The following KCNN2 variants were observed in gnomAD, a reference collection of about 807,000 sequenced individuals.
The protein encoded by KCNN2 is potassium calcium-activated channel subfamily N member 2.
A neutral mutation model predicts 55.5 loss-of-function variants in KCNN2; 24 were observed. The ratio of observed to expected loss-of-function variants is 0.43; its 90% CI spans 0.31 to 0.61. KCNN2 has a LOEUF of 0.61. Ranked by LOEUF, KCNN2 falls within the 20% of genes least tolerant of loss-of-function variation. The probability of loss-of-function intolerance (pLI) is 0.08; values close to 1 mark genes in which losing one functional copy is unlikely to be tolerated. For missense variants in KCNN2, 754 were observed against 853.6 expected (o/e 0.88, Z 1.45); for synonymous variants, 431 against 336.1 (o/e 1.28, Z -3.09).
At chr5:114,481,316 G>A (rs988162174) in intron 5 of KCNN2, among the ~76,000 whole-genome samples, 21 of 152,082 alleles carry the variant, frequency 1.4e-4, no homozygotes, top group Non-Finnish European at 3.1e-4. Context: ...TCTTCAAGGA[G>A]AACTACAAAC....
intron 6 of KCNN2, among the ~76,000 whole-genome samples, chr5:114,487,834 G>A (rs559767033): frequency 1.3e-5 from 2 of 152,212 alleles, no homozygotes; most frequent in Admixed American, 6.5e-5. Flanking sequence ...ATTCATGTGG[G>A]TATCGATTGT....
chr5:114,143,263 T>G (rs1400068047), intron 1 of KCNN2, among the ~76,000 whole-genome samples: 1 of 152,144 alleles, frequency 6.6e-6, no homozygotes, highest in East Asian at 1.9e-4. Flanking sequence ...TATACAGAGA[T>G]AAAAATTTAC....
At chr5:114,079,112 A>T (rs775643303) in intron 1 of KCNN2, among the ~76,000 whole-genome samples, 1 of 152,162 alleles carries the variant, frequency 6.6e-6, no homozygotes, top group Non-Finnish European at 1.5e-5. Flanking sequence ...GTAAAAACCT[A>T]TACAGAGGCA....
chr5:114,153,852 G>T (rs1369415479), intron 1 of KCNN2, among the ~76,000 whole-genome samples: 8 of 152,120 alleles, frequency 5.3e-5, no homozygotes, highest in Non-Finnish European at 1.2e-4. Flanking sequence ...AGGAGACTGT[G>T]GTCAAATGTA....
chr5:114,083,499 G>C (rs546366521), intron 1 of KCNN2, among the ~76,000 whole-genome samples: 7 of 151,560 alleles, frequency 4.6e-5, no homozygotes, highest in Non-Finnish European at 1.0e-4. Context: ...TCATTTCCTT[G>C]TTAACCTGAT....
intron 1 of KCNN2, among the ~76,000 whole-genome samples, chr5:114,103,855 A>G (rs1307307076): frequency 6.6e-6 from 1 of 152,120 alleles, no homozygotes; most frequent in Admixed American, 6.6e-5. Context: ...TTTCGCATCT[A>G]TGTTCATCAG....
chr5:114,074,293 CGTGTGTGTGTGT>C lies in KCNN2; in HGVS notation c.-271+17819_-271+17830del, dbSNP rs371882287. Among the ~76,000 whole-genome samples the C allele has an allele frequency of 2.3e-4, 33 of 144,598 alleles. No homozygotes were observed. In the East Asian group the frequency reaches 6.0e-3, roughly 26 times the overall value. The allele number at this position is 144,598 out of a possible 152,430, so 94.9% of individuals were successfully genotyped here. A position where few individuals can be genotyped will look rare whatever the true frequency, so the allele number is the denominator to read the frequency against. Reference sequence around the variant, plus strand: ...TTATGAATTTTAAAGGCCATGTTTGCGTGTGTGTGTGTGTGTGTGTGTGTGTGTGTGTGTGTG... The same window carrying C: ...TTATGAATTTTAAAGGCCATGTTTGCGTGTGTGTGTGTGTGTGTGTGTGTG... On this transcript the variant is annotated intron_variant, in intron 1 of 10. Transcript: ENST00000512097.
chr5:114,492,839 GATA>G (rs1254071154), intron 6 of KCNN2, among the ~76,000 whole-genome samples: 1 of 151,946 alleles, frequency 6.6e-6, no homozygotes, highest in Non-Finnish European at 1.5e-5. Flanking sequence ...TGAAGAATAA[GATA>G]ATAATTATGT....
intron 2 of KCNN2, among the ~76,000 whole-genome samples, chr5:114,242,417 A>T (rs996827418): frequency 6.6e-6 from 1 of 152,214 alleles, no homozygotes; most frequent in Non-Finnish European, 1.5e-5. Context: ...CTGTGTTGAT[A>T]ACATATCTAA....
At chr5:114,309,918 A>G (rs1003818273) in intron 2 of KCNN2, among the ~76,000 whole-genome samples, 16 of 152,198 alleles carry the variant, frequency 1.1e-4, no homozygotes, top group African/African-American at 3.9e-4. Context: ...TAGAGGTGGA[A>G]TGGCAACAGG....
intron 3 of KCNN2, among the ~76,000 whole-genome samples, chr5:114,442,232 C>T (rs1302391833): frequency 1.3e-5 from 2 of 149,950 alleles, no homozygotes; most frequent in African/African-American, 4.9e-5. Flanking sequence ...TACAGCAGAA[C>T]GAATTATATA....
In KCNN2 at chr5:114,496,032, G is replaced by C. The variant is rs557534760; in HGVS notation, c.2226G>C (p.Gln742His). The C allele has an allele frequency of 1.2e-6, 2 of 1,614,088 alleles. No homozygotes were observed. Among genetic ancestry groups the C allele is most frequent in the African/African-American group, 2.7e-5 (2 of 75,038 alleles). The change falls in exon 8 of 8, where the codon CAG (glutamine) becomes CAC (histidine). Residue 742 changes from glutamine (Q) to histidine (H), a missense_variant. Around this residue, in one of 4 missense-constraint regions of KCNN2, gnomAD observed 164 missense variants for 156.6 expected, o/e 1.05. Coordinates refer to ENST00000673685, the MANE Select transcript of KCNN2 (RefSeq NM_021614.4). ...SIHALPGLIS[Q>H]TIRQQQRDFI... Reference sequence around the variant, plus strand: ...ACGCCCTCCCTGGGCTCATAAGCCAGACCATCAGGCAGCAGCAGAGAGATT... The same window carrying C: ...ACGCCCTCCCTGGGCTCATAAGCCACACCATCAGGCAGCAGCAGAGAGATT...
chr5:114,103,634 AG>A (rs1294714656), intron 1 of KCNN2, among the ~76,000 whole-genome samples: 2 of 152,116 alleles, frequency 1.3e-5, no homozygotes, highest in African/African-American at 4.8e-5. Context: ...TTTAGCATGA[AG>A]GGGTGTTGAA....
chr5:114,244,690 T>C (rs775927540), intron 2 of KCNN2, among the ~76,000 whole-genome samples: 27 of 152,072 alleles, frequency 1.8e-4, no homozygotes, highest in Admixed American at 7.2e-4. Context: ...TGGGCTTCTT[T>C]AGACAGTAGT....
intron 1 of KCNN2, among the ~76,000 whole-genome samples, chr5:114,210,132 G>T (rs1324073455): frequency 2.0e-5 from 3 of 151,982 alleles, no homozygotes; most frequent in Non-Finnish European, 2.9e-5. Flanking sequence ...GCTTTTTGTT[G>T]GTGATTTTGC....
intron 2 of KCNN2, among the ~76,000 whole-genome samples, chr5:114,253,183 C>A (rs369737376): frequency 2.0e-5 from 3 of 146,776 alleles, no homozygotes; most frequent in East Asian, 4.0e-4. Flanking sequence ...TCTTTCCATT[C>A]CATCTGGAAT....
chr5:114,187,826 T>TTTTTTTTC (rs1753370232), intron 1 of KCNN2, among the ~76,000 whole-genome samples: 3 of 148,318 alleles, frequency 2.0e-5, no homozygotes, highest in African/African-American at 7.5e-5. Context: ...TCTTTTTTTT[T>TTTTTTTTC]TTTTTTGAGA....
intron 1 of KCNN2, among the ~76,000 whole-genome samples, chr5:114,218,847 C>A (rs999784692): frequency 1.3e-5 from 2 of 152,304 alleles, no homozygotes; most frequent in East Asian, 3.9e-4. Flanking sequence ...CATGGGAAGT[C>A]TCAGTACCTT....
chr5:114,058,059 C>T (rs562881859), intron 1 of KCNN2, among the ~76,000 whole-genome samples: 115 of 152,204 alleles, frequency 7.6e-4, no homozygotes, highest in Middle Eastern at 3.4e-3. Context: ...TAGGTTTATA[C>T]CTGTGAGAAA....
Sources: allele counts gnomAD v4.1 joint callset (sites outside exome capture counted in the v4.1 genomes callset), GRCh38; gene constraint gnomAD v4.1.1; regional missense constraint gnomAD v4.1.1; transcripts MANE v1.5; gene names NCBI Gene and HGNC (gene_info 2026-07-23, HGNC 2026-07-21).